The following PHF20L1 variants were observed in gnomAD, a reference collection of about 807,000 sequenced individuals.
PHF20L1 encodes PHD finger protein 20-like protein 1.
In PHF20L1, 44 loss-of-function variants were observed where a neutral mutation model predicts 125.5. That is an observed-to-expected ratio of 0.35 (90% CI 0.28 to 0.45). The LOEUF (loss-of-function observed/expected upper bound fraction) is 0.45. Ranked by LOEUF, PHF20L1 falls within the 20% of genes least tolerant of loss-of-function variation. The pLI is 1.00. For missense variants in PHF20L1, 1,012 were observed against 1,217.2 expected (o/e 0.83, Z 2.51); for synonymous variants, 380 against 403.1 (o/e 0.94, Z 0.69).
chr8:132,810,671 T>G (rs1834281707), intron 8 of PHF20L1: 1 of 162,884 alleles, frequency 6.1e-6, no homozygotes, highest in Non-Finnish European at 1.3e-5. Context: ...TCTTCTGTCT[T>G]ATTCTGTTTT....
chr8:132,795,217 A>AT (rs1832244659), intron 4 of PHF20L1, among the ~76,000 whole-genome samples: 1 of 152,100 alleles, frequency 6.6e-6, no homozygotes, highest in Non-Finnish European at 1.5e-5. Flanking sequence ...AATACATAGG[A>AT]TATTTTCTGA....
intron 19 of PHF20L1, chr8:132,843,241 G>A (rs1838105882): frequency 1.0e-6 from 1 of 983,406 alleles, no homozygotes; most frequent in Non-Finnish European, 1.2e-6. Context: ...CTTTATGTGA[G>A]TTAGATAAAA....
intron 18 of PHF20L1, 52 bp downstream of exon 18, chr8:132,839,634 C>A: frequency 7.8e-7 from 1 of 1,277,732 alleles, no homozygotes; most frequent in Non-Finnish European, 1.1e-6. Context: ...CGTTTTAATT[C>A]AAACCAACAC....
chr8:132,802,902 T>C (rs893489917), intron 6 of PHF20L1, among the ~76,000 whole-genome samples: 3 of 151,864 alleles, frequency 2.0e-5, no homozygotes, highest in Non-Finnish European at 2.9e-5. Flanking sequence ...AAATCTGAAC[T>C]GGTAGTCTAT....
rs1838490556 is a variant in PHF20L1, at chr8:132,847,325, A to C, written c.*1402A>C. The C allele has an allele frequency of 6.6e-6, 1 of 152,540 alleles. No individual in the cohort carries two copies. Among genetic ancestry groups the C allele is most frequent in the South Asian group, 2.1e-4 (1 of 4,834 alleles). 9.4% of individuals were successfully genotyped at this position (152,540 alleles called of 1,614,324 possible). A position where few individuals can be genotyped will look rare whatever the true frequency, so the allele number is the denominator to read the frequency against. On this transcript the variant is annotated 3_prime_UTR_variant, in exon 21 of 21. Coordinates refer to ENST00000395386, the MANE Select transcript of PHF20L1 (RefSeq NM_016018.5). The stretch of plus-strand genomic sequence containing the variant: ...TAAAAATGTATGTATAGGTTTTGAA[A>C]TTTTTTTAAAAGGGGAGAAAGACTG...
At chr8:132,811,907 G>A (rs1177830023) in intron 9 of PHF20L1, 2 of 964,176 alleles carry the variant, frequency 2.1e-6, no homozygotes, top group African/African-American at 3.5e-5. Flanking sequence ...TTTATTAGTA[G>A]CCTAATAAAG....
intron 10 of PHF20L1, chr8:132,816,294 T>G (rs1251022302): frequency 6.6e-6 from 1 of 151,650 alleles, no homozygotes. Flanking sequence ...CATTATTTGC[T>G]CACAATAAGT....
intron 10 of PHF20L1, chr8:132,816,410 T>A (rs1563823053): frequency 6.6e-6 from 1 of 151,922 alleles, no homozygotes; most frequent in Admixed American, 6.6e-5. Flanking sequence ...TTATTTACAT[T>A]AGTGTAAAGT....
intron 15 of PHF20L1, 47 bp downstream of exon 15, chr8:132,832,446 A>G: frequency 7.3e-7 from 1 of 1,361,082 alleles, no homozygotes. Context: ...CAATTCCTAA[A>G]TGTGTAACTG....
chr8:132,832,003 C>T (rs975852898), intron 14 of PHF20L1, among the ~76,000 whole-genome samples: 6 of 152,038 alleles, frequency 3.9e-5, no homozygotes, highest in African/African-American at 1.4e-4. Flanking sequence ...TTACAGGTAC[C>T]AGTTAGAACC....
intron 1 of PHF20L1, among the ~76,000 whole-genome samples, chr8:132,777,105 A>G (rs1346173153): frequency 3.3e-5 from 5 of 152,250 alleles, no homozygotes; most frequent in African/African-American, 1.2e-4. Context: ...CTCAGTTAAC[A>G]AAAGCATGTT....
rs989305908 is a variant in PHF20L1 at position 132,803,653 on chromosome 8, A to C, written c.508-166A>C. On this transcript the variant is annotated intron_variant, in intron 6 of 20. Coordinates refer to ENST00000395386, the MANE Select transcript of PHF20L1 (RefSeq NM_016018.5). ...CTAACTCATTTGATTATTAAATTTGATAACCTACCATGTTCAGCTATCATG... is the reference window on the plus strand; with the variant it reads ...CTAACTCATTTGATTATTAAATTTGCTAACCTACCATGTTCAGCTATCATG... The C allele has an allele frequency of 5.4e-6, 3 of 557,912 alleles. No individual in the cohort carries two copies. In the African/African-American group the frequency reaches 5.7e-5, roughly 11 times the overall value. The allele number at this position is 557,912 out of a possible 1,614,324, so 34.6% of individuals were successfully genotyped here. A position where few individuals can be genotyped will look rare whatever the true frequency, so the allele number is the denominator to read the frequency against.
At chr8:132,828,035 C>A (rs1836379962) in intron 14 of PHF20L1, among the ~76,000 whole-genome samples, 1 of 151,934 alleles carries the variant, frequency 6.6e-6, no homozygotes, top group South Asian at 2.1e-4. Flanking sequence ...GAAGAGTGGT[C>A]TTTAAGTGGG....
intron 9 of PHF20L1, 74 bp from the exon 10 acceptor site, chr8:132,814,563 A>G: frequency 9.7e-7 from 1 of 1,031,072 alleles, no homozygotes; most frequent in Non-Finnish European, 1.4e-6. Flanking sequence ...AAGTTGCTTA[A>G]CAGTCAAAAT....
rs2131247430 is a variant in PHF20L1, at chr8:132,775,581, G to T, written c.-102G>T. 1 of 353,076 alleles carries T rather than the reference G, an allele frequency of 2.8e-6. No homozygotes were observed. The highest frequency in any genetic ancestry group is 5.1e-6 in the Non-Finnish European group (1 of 196,336). The allele number at this position is 353,076 out of a possible 1,614,324, so 21.9% of individuals were successfully genotyped here. A position where few individuals can be genotyped will look rare whatever the true frequency, so the allele number is the denominator to read the frequency against. On this transcript the variant is annotated 5_prime_UTR_variant, in exon 1 of 21. Coordinates refer to ENST00000395386, the MANE Select transcript of PHF20L1 (RefSeq NM_016018.5). ...GCAGAGGCAGAGGCCCGGGCTGGCC[G>T]CCCTGCTCGTGCCCCAGCTCGGCCC... is the stretch of plus-strand genomic sequence containing the variant.
In PHF20L1 at chr8:132,811,056, A is replaced by G; in HGVS notation, c.858A>G (p.Ala286=). The G allele has an allele frequency of 6.2e-7, 1 of 1,605,020 alleles. No homozygotes were observed. Among genetic ancestry groups the G allele is most frequent in the Non-Finnish European group, 8.5e-7 (1 of 1,171,802 alleles). ...ARLNKITGLL[A]SKAVGVDGAE... is the part of the protein sequence containing the mutation. ...ACAATTTTTCTCAAGGTTTGTTGGC[A>G]TCCAAAGCTGTTGGGGTTGATGGTG... Residue 286 remains alanine, a synonymous_variant, in exon 9 of 21, where the codon GCA becomes GCG. Transcript: ENST00000395386.
chr8:132,827,649 G>T (rs1241427620), intron 14 of PHF20L1, among the ~76,000 whole-genome samples: 1 of 151,922 alleles, frequency 6.6e-6, no homozygotes, highest in Non-Finnish European at 1.5e-5. Flanking sequence ...CTTGAGAGAA[G>T]GAGGAGCAAT....
intron 2 of PHF20L1, among the ~76,000 whole-genome samples, chr8:132,782,107 T>C (rs1273956791): frequency 6.6e-6 from 1 of 152,232 alleles, no homozygotes; most frequent in African/African-American, 2.4e-5. Flanking sequence ...AACCTTGATA[T>C]TCAGTTTTAT....
intron 14 of PHF20L1, 144 bp from the exon 15 acceptor site, chr8:132,832,091 T>A (rs1411903067): frequency 8.2e-6 from 5 of 613,452 alleles, no homozygotes; most frequent in Non-Finnish European, 1.2e-5. Flanking sequence ...GTTCATCAGA[T>A]CCATATGTAG....
Sources: gnomAD v4.1 joint callset for allele counts (sites outside exome capture counted in the v4.1 genomes callset) on GRCh38, gnomAD v4.1.1 for gene constraint, MANE v1.5 for transcripts, NCBI Gene and HGNC (gene_info 2026-07-23, HGNC 2026-07-21) for gene names.